The following CRACD variants were observed in gnomAD, a reference collection of about 807,000 sequenced individuals.
CRACD encodes capping protein-inhibiting regulator of actin dynamics.
A neutral mutation model predicts 106.8 loss-of-function variants in CRACD; 56 were observed. That is an observed-to-expected ratio of 0.52 (90% CI 0.42 to 0.66). CRACD has a LOEUF of 0.66. Ranked by LOEUF, CRACD falls within the 30% of genes least tolerant of loss-of-function variation. CRACD has a pLI of 0.00. For synonymous variants in CRACD, 754 were observed against 670.8 expected (o/e 1.12, Z -1.92); for missense variants, 1,730 against 1,623.2 (o/e 1.07, Z -1.13).
chr4:56,125,238 C>CA (rs1734618836), intron 1 of CRACD, among the ~76,000 whole-genome samples: 1 of 152,156 alleles, frequency 6.6e-6, no homozygotes, highest in Non-Finnish European at 1.5e-5. Context: ...CTGAGGATTG[C>CA]AAAATGTTGA....
chr4:56,273,165 G>A (rs551289), intron 3 of CRACD, among the ~76,000 whole-genome samples: 135,679 of 152,094 alleles, frequency 0.89, 60,645 homozygotes, highest in African/African-American at 0.92. Flanking sequence ...AGGTTGTCAT[G>A]GGCTAGACTT....
chr4:56,261,840 C>T (rs1479678351), intron 2 of CRACD, among the ~76,000 whole-genome samples: 1 of 152,134 alleles, frequency 6.6e-6, no homozygotes, highest in Non-Finnish European at 1.5e-5. Flanking sequence ...CTTGCCTAGA[C>T]CTAGGTTAAG....
At chr4:56,176,652 G>A (rs1394234567) in intron 1 of CRACD, among the ~76,000 whole-genome samples, 2 of 151,950 alleles carry the variant, frequency 1.3e-5, no homozygotes, top group Admixed American at 6.6e-5. Flanking sequence ...AGCCAGGATG[G>A]TCTCGATCTC....
chr4:56,254,011 G>A (rs1452004812), intron 2 of CRACD, among the ~76,000 whole-genome samples: 6 of 152,182 alleles, frequency 3.9e-5, no homozygotes, highest in Non-Finnish European at 1.5e-5. Flanking sequence ...TCTCAGAATT[G>A]GAAGGTCATC....
chr4:56,241,859 G>A lies in CRACD; in HGVS notation c.-188-30462G>A, dbSNP rs536343291. ...GTGAGCCAGAGGGAGAAACTGAAGGGCGTGTTCTATGTACATGGCCTCACG... is the reference window on the plus strand; with the variant it reads ...GTGAGCCAGAGGGAGAAACTGAAGGACGTGTTCTATGTACATGGCCTCACG... On this transcript the variant is annotated intron_variant, in intron 2 of 10. Coordinates refer to ENST00000682029, the MANE Select transcript of CRACD (RefSeq NM_001393381.1). Among the ~76,000 whole-genome samples, 8 of 152,316 alleles carry A rather than the reference G, an allele frequency of 5.3e-5. No individual in the cohort carries two copies. The East Asian group carries it at 1.3e-3, about 26-fold the overall frequency.
rs200636394 is a variant in CRACD at position 56,315,968 on chromosome 4, C to T, written c.2466C>T (p.Ser822=). ...AHTEFTTSSD[S]ETANGIAKPD... ...CAGAGTTCACGACCTCGTCGGACAG[C>T]GAGACTGCAAACGGGATAGCAAAGC... Residue 822 remains serine (S), a synonymous_variant, in exon 8 of 11, where the codon AGC becomes AGT. Transcript: ENST00000682029. The surrounding 1 kb of genome is among the most constrained non-coding windows in gnomAD (Gnocchi z 4.1). 1 of 1,614,188 alleles carries T rather than the reference C, an allele frequency of 6.2e-7. No homozygotes were observed. The highest frequency in any genetic ancestry group is 2.2e-5 in the East Asian group (1 of 44,886).
chr4:56,258,542 T>A (rs1490790364), intron 2 of CRACD, among the ~76,000 whole-genome samples: 2 of 152,176 alleles, frequency 1.3e-5, no homozygotes, highest in East Asian at 3.9e-4. Context: ...GTTCCCTATG[T>A]CTAGTTGACT....
At chr4:56,169,050 A>G (rs1736257495) in intron 1 of CRACD, among the ~76,000 whole-genome samples, 1 of 152,242 alleles carries the variant, frequency 6.6e-6, no homozygotes, top group Non-Finnish European at 1.5e-5. Context: ...CTACAAAGGC[A>G]TTCCTGAAGT....
chr4:56,149,111 C>T (rs544924533), intron 1 of CRACD, among the ~76,000 whole-genome samples: 14 of 152,188 alleles, frequency 9.2e-5, no homozygotes, highest in African/African-American at 2.2e-4. Context: ...CCACCGTGCC[C>T]GGCCTATCCT....
At chr4:56,215,248 T>G (rs374702991) in intron 2 of CRACD, among the ~76,000 whole-genome samples, 1 of 152,172 alleles carries the variant, frequency 6.6e-6, no homozygotes, top group African/African-American at 2.4e-5. Flanking sequence ...CTTGAACTCC[T>G]GAGCTCAAGT....
chr4:56,286,554 C>T (rs567790003), intron 3 of CRACD, among the ~76,000 whole-genome samples: 5 of 111,612 alleles, frequency 4.5e-5, no homozygotes, highest in African/African-American at 8.5e-5. Context: ...AAAAGATTAC[C>T]GTAGGGTTTC....
chr4:56,301,313 C>T (rs1292240338), intron 4 of CRACD: 4 of 1,098,078 alleles, frequency 3.6e-6, no homozygotes, highest in African/African-American at 3.2e-5. Context: ...TCCATGACAA[C>T]GTGATGCTGG....
chr4:56,313,433 T>A, intron 7 of CRACD, 54 bp downstream of exon 7: 2 of 1,505,664 alleles, frequency 1.3e-6, no homozygotes, highest in Non-Finnish European at 1.8e-6. Context: ...TACTGGGCAC[T>A]AATTCTACAA....
intron 2 of CRACD, among the ~76,000 whole-genome samples, chr4:56,225,187 G>T (rs1381415310): frequency 6.6e-6 from 1 of 152,164 alleles, no homozygotes; most frequent in African/African-American, 2.4e-5. Flanking sequence ...TCCCTCTCGG[G>T]TTCAAGCAAT....
At chr4:56,296,964 G>A (rs1227249519) in intron 3 of CRACD, among the ~76,000 whole-genome samples, 1 of 149,036 alleles carries the variant, frequency 6.7e-6, no homozygotes, top group African/African-American at 2.5e-5. Context: ...GTCTCACCTA[G>A]GCTGGAGTGC....
rs1744819526 is a variant in CRACD, at chr4:56,307,613, G to A, written c.199G>A (p.Ala67Thr). Residue 67 changes from alanine to threonine, a missense_variant, in exon 5 of 11, where the codon GCT becomes ACT. Physicochemically the swap from Ala to Thr is moderately conservative, Grantham distance 58. Around this residue, in one of 5 missense-constraint regions of CRACD, gnomAD observed 1,620 missense variants for 1,481.6 expected, o/e 1.09. Transcript: ENST00000682029. ...CATGAATAAGGCAAACAGTGGAGAG[G>A]CTAGCTTAGAAGAGGATCTGTTCCT... ...IPMNKANSGE[A>T]SLEEDLFLTS... The A allele has an allele frequency of 6.2e-7, 1 of 1,614,072 alleles. No individual in the cohort carries two copies. Among genetic ancestry groups the A allele is most frequent in the Non-Finnish European group, 8.5e-7 (1 of 1,180,044 alleles).
intron 2 of CRACD, among the ~76,000 whole-genome samples, chr4:56,262,906 G>C (rs530154352): frequency 1.3e-5 from 2 of 152,318 alleles, no homozygotes; most frequent in East Asian, 3.9e-4. Flanking sequence ...TACCTGTATA[G>C]AGTTGTAAAA....
chr4:56,181,028 C>T (rs1736800209), intron 2 of CRACD, among the ~76,000 whole-genome samples: 1 of 152,204 alleles, frequency 6.6e-6, no homozygotes. Flanking sequence ...TAAGCACCTA[C>T]AGTGAACTAG....
chr4:56,240,947 C>A (rs533288814), intron 2 of CRACD, among the ~76,000 whole-genome samples: 1 of 152,338 alleles, frequency 6.6e-6, no homozygotes, highest in East Asian at 1.9e-4. Context: ...ACCAGGTTTG[C>A]AGATGCCCTG....
Sources: allele counts gnomAD v4.1 joint callset (sites outside exome capture counted in the v4.1 genomes callset), GRCh38; gene constraint gnomAD v4.1.1; regional missense constraint gnomAD v4.1.1; non-coding constraint Gnocchi (gnomAD v3.1); transcripts MANE v1.5; gene names NCBI Gene and HGNC (gene_info 2026-07-23, HGNC 2026-07-21).